TBC1D1: variants seen among roughly 807,000 people sequenced by gnomAD.
TBC1D1 encodes TBC1 (tre-2/USP6, BUB2, cdc16) domain family, member 1.
In TBC1D1, 89 loss-of-function variants were observed where a neutral mutation model predicts 125.6. The observed-to-expected ratio is 0.71, with a 90% confidence interval of 0.60 to 0.85. TBC1D1 has a LOEUF of 0.85. Among genes scored for constraint, TBC1D1 ranks in the 40% least tolerant of loss-of-function variants. The probability of loss-of-function intolerance (pLI) is 0.00; values close to 1 mark genes in which losing one functional copy is unlikely to be tolerated. For synonymous variants in TBC1D1, 565 were observed against 564.1 expected (o/e 1.00, Z -0.02); for missense variants, 1,377 against 1,469.2 (o/e 0.94, Z 1.03).
At chr4:38,000,480 A>C (rs890531839) in intron 2 of TBC1D1, among the ~76,000 whole-genome samples, 1 of 152,198 alleles carries the variant, frequency 6.6e-6, no homozygotes, top group Non-Finnish European at 1.5e-5. Context: ...AAATGCTCTG[A>C]TGAGCATTTC....
At chr4:38,135,924 A>ATGTGTGTGTGTG (rs57275262) in intron 19 of TBC1D1, among the ~76,000 whole-genome samples, 7 of 145,090 alleles carry the variant, frequency 4.8e-5, no homozygotes, top group Non-Finnish European at 7.7e-5. Flanking sequence ...GTGTGTGTAT[A>ATGTGTGTGTGTG]TGTGTGTGTG....
At chr4:38,094,750 G>A (rs1759035095) in intron 13 of TBC1D1, among the ~76,000 whole-genome samples, 1 of 152,110 alleles carries the variant, frequency 6.6e-6, no homozygotes, top group African/African-American at 2.4e-5. Flanking sequence ...CCAGAGGAAC[G>A]TACGTTGGCA....
chr4:37,905,414 G>A (rs1253156633), intron 2 of TBC1D1, among the ~76,000 whole-genome samples: 2 of 152,118 alleles, frequency 1.3e-5, no homozygotes, highest in Non-Finnish European at 2.9e-5. Flanking sequence ...AAAAATTGGC[G>A]CTCTTTAAAG....
chr4:37,900,456 A>G (rs1577746073), intron 1 of TBC1D1, among the ~76,000 whole-genome samples: 2 of 150,282 alleles, frequency 1.3e-5, no homozygotes, highest in East Asian at 3.9e-4. Context: ...CTTTTAAAAT[A>G]CTTATTGAGC....
At chr4:37,951,544 C>T (rs572605068) in intron 2 of TBC1D1, among the ~76,000 whole-genome samples, 1 of 152,290 alleles carries the variant, frequency 6.6e-6, no homozygotes, top group African/African-American at 2.4e-5. Context: ...GTTAACATAT[C>T]AGAACTACAG....
chr4:38,124,665 G>A lies in TBC1D1; in HGVS notation c.2963-297G>A, dbSNP rs57645760. ...TTAGTATCTCCTTTAAAACCCAGGA[G>A]CATTCCTGGAAAAATAGACTAATAA... On this transcript the variant is annotated intron_variant, in intron 17 of 19. Coordinates refer to ENST00000261439, the MANE Select transcript of TBC1D1 (RefSeq NM_015173.4). Among the ~76,000 whole-genome samples, 343 of 152,222 alleles carry A rather than the reference G, an allele frequency of 2.3e-3. 2 individuals are homozygous for A. Among genetic ancestry groups the A allele is most frequent in the African/African-American group, 8.1e-3 (336 of 41,532 alleles).
At chr4:37,988,790 G>A (rs1182974739) in intron 2 of TBC1D1, among the ~76,000 whole-genome samples, 1 of 152,160 alleles carries the variant, frequency 6.6e-6, no homozygotes, top group Non-Finnish European at 1.5e-5. Flanking sequence ...CCCCTCCTCA[G>A]TCAAGGGCAT....
At chr4:38,111,281 TGTC>T (rs1478790202) in intron 15 of TBC1D1, among the ~76,000 whole-genome samples, 6 of 152,212 alleles carry the variant, frequency 3.9e-5, no homozygotes, top group Non-Finnish European at 8.8e-5. Flanking sequence ...GTGGGTGAGT[TGTC>T]GTGTTAGCCT....
intron 12 of TBC1D1, among the ~76,000 whole-genome samples, chr4:38,057,072 A>G (rs1484948433): frequency 1.3e-5 from 2 of 152,120 alleles, no homozygotes; most frequent in Non-Finnish European, 2.9e-5. Context: ...CCCCTGATTC[A>G]TCAGACCCCA....
intron 12 of TBC1D1, among the ~76,000 whole-genome samples, chr4:38,058,325 C>T (rs1578476238): frequency 6.6e-6 from 1 of 152,324 alleles, no homozygotes; most frequent in Non-Finnish European, 1.5e-5. Flanking sequence ...CCATATGTTC[C>T]TTCCAGCTGA....
chr4:38,052,166 AC>A lies in TBC1D1; in HGVS notation c.1911-2032del, dbSNP rs1212314135. ...GAATGTCCATGCAGGAAGCAGAGCC[AC>A]TGTGTGTGTGTGTGTGTGTGTGTGT... is the stretch of plus-strand genomic sequence containing the variant. On this transcript the variant is annotated intron_variant, in intron 11 of 19. Coordinates refer to ENST00000261439, the MANE Select transcript of TBC1D1 (RefSeq NM_015173.4). 8 of 881,614 alleles carry A rather than the reference AC, an allele frequency of 9.1e-6. No homozygotes were observed. In the East Asian group the frequency reaches 2.3e-4, roughly 25 times the overall value. The allele number at this position is 881,614 out of a possible 1,614,324, so 54.6% of individuals were successfully genotyped here.
In TBC1D1 at chr4:38,124,999, A is replaced by G. The variant is rs1485495491; in HGVS notation, c.3000A>G (p.Lys1000=). Reference sequence around the variant, plus strand: ...TTCAGGGAACAGAGGTCATATTTAAAGTGGCTTTAAGTCTGTTGGGAAGCC... The same window carrying G: ...TTCAGGGAACAGAGGTCATATTTAAGGTGGCTTTAAGTCTGTTGGGAAGCC... The change falls in exon 18 of 20, where the codon AAA becomes AAG. Residue 1000 remains lysine (K), a synonymous_variant. Coordinates refer to ENST00000261439, the MANE Select transcript of TBC1D1 (RefSeq NM_015173.4). 6.2e-7 allele frequency: 1 copy of G among 1,614,044 alleles called. No homozygotes were observed. Among genetic ancestry groups the G allele is most frequent in the Non-Finnish European group, 8.5e-7 (1 of 1,180,036 alleles).
chr4:37,895,012 A>G (rs1392276444), intron 1 of TBC1D1, among the ~76,000 whole-genome samples: 2 of 152,216 alleles, frequency 1.3e-5, no homozygotes, highest in African/African-American at 4.8e-5. Context: ...TCATGAATGT[A>G]AAATGTCCAT....
At chr4:37,913,738 T>G (rs1196087337) in intron 2 of TBC1D1, among the ~76,000 whole-genome samples, 14 of 89,656 alleles carry the variant, frequency 1.6e-4, no homozygotes, top group Non-Finnish European at 8.0e-5. Context: ...CTGGCCCAAT[T>G]TTTTTTTTTT....
intron 2 of TBC1D1, among the ~76,000 whole-genome samples, chr4:37,999,608 T>TG (rs1345135165): frequency 6.6e-6 from 1 of 150,440 alleles, no homozygotes; most frequent in Non-Finnish European, 1.5e-5. Context: ...AGCAGGCCTG[T>TG]GGGGGGAGGG....
chr4:38,077,842 A>G (rs149696888), intron 12 of TBC1D1, among the ~76,000 whole-genome samples: 1 of 152,212 alleles, frequency 6.6e-6, no homozygotes, highest in Non-Finnish European at 1.5e-5. Flanking sequence ...TCGGAAGCAC[A>G]TGTTATGCGT....
At chr4:38,058,148 T>A (rs959047640) in intron 12 of TBC1D1, among the ~76,000 whole-genome samples, 4 of 152,192 alleles carry the variant, frequency 2.6e-5, no homozygotes, top group African/African-American at 9.7e-5. Context: ...ACCGCCTCCC[T>A]AATAGTTAGC....
At chr4:38,118,500 C>T in intron 17 of TBC1D1, 1 of 278,946 alleles carries the variant, frequency 3.6e-6, no homozygotes, top group Non-Finnish European at 6.7e-6. Context: ...TGAGGAGCCA[C>T]AGGTGTATGT....
At position 38,038,900 on chromosome 4, in the gene TBC1D1, C is replaced by T. The variant is rs567889006; in HGVS notation, c.1413+3202C>T. On this transcript the variant is annotated intron_variant, in intron 8 of 19. Transcript: ENST00000261439. Reference sequence around the variant, plus strand: ...AGCGGAGGTTGCAGTGAGCCGAGGTCGCACCACTGCACTCCAGCCTGGGCG... The same window carrying T: ...AGCGGAGGTTGCAGTGAGCCGAGGTTGCACCACTGCACTCCAGCCTGGGCG... Among the ~76,000 whole-genome samples, 6 of 150,060 alleles carry T rather than the reference C, an allele frequency of 4.0e-5. No individual in the cohort carries two copies. In the South Asian group the frequency reaches 6.4e-4, roughly 16 times the overall value.
Sources: gnomAD v4.1 joint callset for allele counts (sites outside exome capture counted in the v4.1 genomes callset) on GRCh38, gnomAD v4.1.1 for gene constraint, MANE v1.5 for transcripts, NCBI Gene and HGNC (gene_info 2026-07-23, HGNC 2026-07-21) for gene names.